CNOT10: variants seen among roughly 807,000 people sequenced by gnomAD.
The protein encoded by CNOT10 is CCR4-NOT transcription complex, subunit 10.
Under a neutral mutation model 94.6 loss-of-function variants are expected in CNOT10, and 30 were observed. The observed-to-expected ratio is 0.32, with a 90% CI of 0.24 to 0.43. The LOEUF (loss-of-function observed/expected upper bound fraction) is 0.43. Among genes scored for constraint, CNOT10 ranks in the 20% least tolerant of loss-of-function variants. The pLI, the probability that CNOT10 is intolerant of heterozygous loss-of-function variation, is 1.00. For missense variants in CNOT10, 759 were observed against 877.2 expected (o/e 0.87, Z 1.70); for synonymous variants, 289 against 301.6 (o/e 0.96, Z 0.43).
At position 32,764,451 on chromosome 3, in the gene CNOT10, G is replaced by C; in HGVS notation, c.1841-4G>C. On this transcript the variant is annotated splice_region_variant and splice_polypyrimidine_tract_variant and intron_variant, in intron 15 of 18. Transcript: ENST00000328834. The stretch of plus-strand genomic sequence containing the variant: ...CCCTCAGATTTATTTTCGTGTTTTT[G>C]TAGGATCAGACAAAGGTGAAAATGA... The C allele has an allele frequency of 1.2e-6, 2 of 1,613,288 alleles. No individual in the cohort carries two copies. Among genetic ancestry groups the C allele is most frequent in the Non-Finnish European group, 1.7e-6 (2 of 1,179,768 alleles).
chr3:32,759,481 C>T lies in CNOT10; in HGVS notation c.1619C>T (p.Ala540Val). ...NLKCSILACS[A>V]YVALALGDNL... is the part of the protein sequence containing the mutation. The stretch of plus-strand genomic sequence containing the variant: ...AGGTGCTCCATACTTGCTTGCAGTG[C>T]CTACGTGGCTCTGGCTTTGGGTGAT... Residue 540 changes from alanine to valine, a missense_variant, in exon 14 of 19, where the codon GCC becomes GTC. Physicochemically the swap from Ala to Val is moderately conservative, Grantham distance 64. Coordinates refer to ENST00000328834, the MANE Select transcript of CNOT10 (RefSeq NM_015442.3). 1 of 1,613,862 alleles carries T rather than the reference C, an allele frequency of 6.2e-7. No homozygotes were observed. The highest frequency in any genetic ancestry group is 8.5e-7 in the Non-Finnish European group (1 of 1,179,860).
Position 32,738,630 on chromosome 3 carries a change from T to C in CNOT10, c.1595+1140T>C, listed in dbSNP as rs113940265. 9.6e-3 allele frequency among the ~76,000 whole-genome samples: 1,451 copies of C among 151,744 alleles called. 15 individuals carry two copies. The highest frequency in any genetic ancestry group is 0.013 in the Non-Finnish European group (874 of 67,916). The stretch of plus-strand genomic sequence containing the variant: ...GGCGCCTGCCACCACACAGGGCTAA[T>C]TTTTTGTATTTTTAGTAGAGACAGG... On this transcript the variant is annotated intron_variant, in intron 13 of 18. Transcript: ENST00000328834.
chr3:32,743,368 G>A (rs111338854), intron 13 of CNOT10, among the ~76,000 whole-genome samples: 5,996 of 152,102 alleles, frequency 0.039, 189 homozygotes, highest in African/African-American at 0.079. Flanking sequence ...GGTGGCTCAC[G>A]CCTGTAATCC....
At chr3:32,728,896 C>G (rs1454210093) in intron 10 of CNOT10, among the ~76,000 whole-genome samples, 3 of 151,986 alleles carry the variant, frequency 2.0e-5, no homozygotes, top group East Asian at 1.9e-4. Flanking sequence ...GTCAGGAGAT[C>G]GAGACCATCC....
rs1277301458 is a variant in CNOT10, at chr3:32,734,862, A to G, written c.1400A>G (p.Asn467Ser). The G allele has an allele frequency of 1.2e-6, 2 of 1,613,976 alleles. No individual in the cohort carries two copies. Among genetic ancestry groups the G allele is most frequent in the Non-Finnish European group, 1.7e-6 (2 of 1,179,998 alleles). The change falls in exon 12 of 19, where the codon AAT becomes AGT. Residue 467 changes from asparagine to serine, a missense_variant. Asn to Ser is a conservative substitution (Grantham distance 46). Around this residue, in one of 3 missense-constraint regions of CNOT10, gnomAD observed 682 missense variants for 799.4 expected, o/e 0.85. Coordinates refer to ENST00000328834, the MANE Select transcript of CNOT10 (RefSeq NM_015442.3). ...GAGTTTGCAGCCATATGTCTCAGAA[A>G]TGCCTTGTTGCTGCTACCTGAAGAA... Reference protein sequence around the residue: ...SMEFAAICLRNALLLLPEEQQ... With the variant: ...SMEFAAICLRSALLLLPEEQQ...
At chr3:32,696,257 G>A (rs1466106812) in intron 1 of CNOT10, among the ~76,000 whole-genome samples, 14 of 151,840 alleles carry the variant, frequency 9.2e-5, no homozygotes, top group South Asian at 2.1e-4. Flanking sequence ...CAGAGGTTGC[G>A]GTGAGCTGGG....
intron 13 of CNOT10, among the ~76,000 whole-genome samples, chr3:32,737,780 C>A (rs1375227907): frequency 6.6e-6 from 1 of 151,862 alleles, no homozygotes; most frequent in African/African-American, 2.4e-5. Context: ...TGTGCCACTG[C>A]ACTCTAGCCT....
At chr3:32,708,928 A>G in intron 4 of CNOT10, 108 bp downstream of exon 4, 1 of 832,186 alleles carries the variant, frequency 1.2e-6, no homozygotes, top group Non-Finnish European at 1.8e-6. Flanking sequence ...GCCAGTATTC[A>G]AAGAAAAGCC....
intron 10 of CNOT10, chr3:32,730,547 A>T (rs542869741): frequency 6.6e-5 from 10 of 152,350 alleles, no homozygotes; most frequent in Middle Eastern, 3.4e-3. Flanking sequence ...ACTTTAGGGT[A>T]ACCTAAAAAA....
intron 17 of CNOT10, among the ~76,000 whole-genome samples, chr3:32,766,778 C>T (rs927366538): frequency 1.1e-4 from 16 of 152,122 alleles, no homozygotes; most frequent in African/African-American, 3.6e-4. Context: ...CATCATGAAG[C>T]TTCAAGGAAG....
At chr3:32,725,132 G>A (rs1008631465) in intron 8 of CNOT10, among the ~76,000 whole-genome samples, 2 of 151,934 alleles carry the variant, frequency 1.3e-5, no homozygotes, top group African/African-American at 2.4e-5. Flanking sequence ...CCAGGAGTTC[G>A]AAACCAGGGT....
intron 5 of CNOT10, among the ~76,000 whole-genome samples, chr3:32,715,662 G>A (rs776780945): frequency 1.3e-5 from 2 of 152,126 alleles, no homozygotes; most frequent in African/African-American, 2.4e-5. Context: ...CCACAGTGGA[G>A]ACCCCCGTCT....
intron 5 of CNOT10, among the ~76,000 whole-genome samples, chr3:32,713,929 G>C (rs549851610): frequency 6.6e-6 from 1 of 152,078 alleles, no homozygotes; most frequent in East Asian, 1.9e-4. Context: ...TGGACATTTG[G>C]GTTCTTTTCT....
chr3:32,773,169 TTG>T (rs1461234516), intron 18 of CNOT10, among the ~76,000 whole-genome samples: 1 of 152,188 alleles, frequency 6.6e-6, no homozygotes, highest in Non-Finnish European at 1.5e-5. Context: ...TCCCAGATGA[TTG>T]TTTCTTTTAT....
At chr3:32,732,658 C>T (rs1699014024) in intron 10 of CNOT10, among the ~76,000 whole-genome samples, 1 of 151,796 alleles carries the variant, frequency 6.6e-6, no homozygotes, top group Admixed American at 6.6e-5. Flanking sequence ...CCAGGCTGGT[C>T]TCACACTCCT....
At chr3:32,754,141 G>C (rs1056378170) in intron 13 of CNOT10, among the ~76,000 whole-genome samples, 2 of 151,738 alleles carry the variant, frequency 1.3e-5, no homozygotes, top group Non-Finnish European at 1.5e-5. Flanking sequence ...ACATTTTTTG[G>C]ATTATTGTAG....
At position 32,734,875 on chromosome 3, in the gene CNOT10, G is replaced by T. The variant is rs1699111887; in HGVS notation, c.1413G>T (p.Leu471=). The T allele has an allele frequency of 1.2e-6, 2 of 1,613,856 alleles. No homozygotes were observed. The highest frequency in any genetic ancestry group is 1.3e-5 in the African/African-American group (1 of 74,888). The change falls in exon 12 of 19, where the codon CTG becomes CTT. Residue 471 remains leucine (L), a synonymous_variant. Coordinates refer to ENST00000328834, the MANE Select transcript of CNOT10 (RefSeq NM_015442.3). ...TATGTCTCAGAAATGCCTTGTTGCT[G>T]CTACCTGAAGAACAGCAAGATCCAA... is the stretch of plus-strand genomic sequence containing the variant. ...AAICLRNALL[L]LPEEQQDPKQ... is the part of the protein sequence containing the mutation.
At chr3:32,719,181 G>A (rs1698259986) in intron 7 of CNOT10, among the ~76,000 whole-genome samples, 1 of 152,136 alleles carries the variant, frequency 6.6e-6, no homozygotes, top group Non-Finnish European at 1.5e-5. Flanking sequence ...CCCGGGAGGC[G>A]GAGGTTGCAG....
intron 13 of CNOT10, chr3:32,752,922 G>A (rs1295798412): frequency 2.0e-5 from 8 of 408,490 alleles, no homozygotes; most frequent in Admixed American, 1.9e-4. Context: ...GGCGGAAGCT[G>A]CAGCAGGACC....
Sources: allele counts gnomAD v4.1 joint callset (sites outside exome capture counted in the v4.1 genomes callset), GRCh38; gene constraint gnomAD v4.1.1; regional missense constraint gnomAD v4.1.1; transcripts MANE v1.5; gene names NCBI Gene and HGNC (gene_info 2026-07-23, HGNC 2026-07-21).